The following MGAT4C variants were observed in gnomAD, a reference collection of about 807,000 sequenced individuals.
MGAT4C encodes the protein MGAT4 family member C.
In MGAT4C, 19 loss-of-function variants were observed where a neutral mutation model predicts 40.1. That is an observed-to-expected ratio of 0.47 (90% CI 0.33 to 0.70). The LOEUF is 0.70. Among genes scored for constraint, MGAT4C ranks in the 30% least tolerant of loss-of-function variants. MGAT4C has a pLI of 0.02. For missense variants in MGAT4C, 491 were observed against 563.2 expected (o/e 0.87, Z 1.30); for synonymous variants, 181 against 187.1 (o/e 0.97, Z 0.27).
chr12:86,369,020 A>T (rs1955666471), intron 3 of MGAT4C, among the ~76,000 whole-genome samples: 1 of 151,850 alleles, frequency 6.6e-6, no homozygotes, highest in Admixed American at 6.6e-5. Flanking sequence ...AGACGTCAAT[A>T]TTTGCTTTAT....
chr12:86,382,670 G>C (rs1159124838), intron 3 of MGAT4C, among the ~76,000 whole-genome samples: 1 of 152,214 alleles, frequency 6.6e-6, no homozygotes, highest in Non-Finnish European at 1.5e-5. Flanking sequence ...CGGGCCCAGG[G>C]TCCCCGTGCT....
intron 2 of MGAT4C, among the ~76,000 whole-genome samples, chr12:86,585,463 A>T (rs908830243): frequency 7.7e-4 from 117 of 151,660 alleles, no homozygotes; most frequent in African/African-American, 2.7e-3. Context: ...CTATAAAAAC[A>T]TATTACATTA....
chr12:86,383,384 T>G (rs1019770701), intron 3 of MGAT4C, among the ~76,000 whole-genome samples: 5 of 151,810 alleles, frequency 3.3e-5, no homozygotes, highest in African/African-American at 1.2e-4. Context: ...AAACCCCATC[T>G]CTACTAAAAA....
intron 2 of MGAT4C, among the ~76,000 whole-genome samples, chr12:86,457,367 C>T (rs1957527052): frequency 1.3e-5 from 2 of 151,986 alleles, no homozygotes; most frequent in African/African-American, 4.8e-5. Flanking sequence ...TCCTATTTAC[C>T]TAGTAAAAAA....
At chr12:86,676,058 T>A (rs1964391965) in intron 2 of MGAT4C, among the ~76,000 whole-genome samples, 1 of 151,530 alleles carries the variant, frequency 6.6e-6, no homozygotes, top group Non-Finnish European at 1.5e-5. Flanking sequence ...ACCCATATGA[T>A]AGAGACATAT....
chr12:86,268,830 G>A (rs2136105012), intron 4 of MGAT4C, among the ~76,000 whole-genome samples: 1 of 146,500 alleles, frequency 6.8e-6, no homozygotes, highest in Admixed American at 6.8e-5. Flanking sequence ...AGAAAGTAAA[G>A]TGGCACATTT....
chr12:86,586,024 T>C (rs984426352), intron 2 of MGAT4C, among the ~76,000 whole-genome samples: 2 of 150,660 alleles, frequency 1.3e-5, no homozygotes, highest in Non-Finnish European at 3.0e-5. Context: ...TAGGTATACA[T>C]GTGCCATGCT....
intron 1 of MGAT4C, among the ~76,000 whole-genome samples, chr12:86,160,051 T>C (rs1191700223): frequency 3.9e-5 from 6 of 152,122 alleles, no homozygotes; most frequent in Non-Finnish European, 4.4e-5. Context: ...AGTTCTTTTC[T>C]AATTTTAGTT....
intron 2 of MGAT4C, among the ~76,000 whole-genome samples, chr12:86,573,879 C>T (rs1250643392): frequency 1.3e-5 from 2 of 151,902 alleles, no homozygotes; most frequent in Non-Finnish European, 2.9e-5. Context: ...AAGTTAATCA[C>T]ATTTCATAAG....
intron 1 of MGAT4C, among the ~76,000 whole-genome samples, chr12:86,170,857 G>T (rs548169025): frequency 6.6e-6 from 1 of 152,170 alleles, no homozygotes; most frequent in African/African-American, 2.4e-5. Flanking sequence ...AGAGGCTGAG[G>T]TCGGAGGATT....
chr12:86,315,542 A>T (rs1310433230), intron 4 of MGAT4C, among the ~76,000 whole-genome samples: 2 of 30,294 alleles, frequency 6.6e-5, no homozygotes, highest in Non-Finnish European at 5.4e-5. Context: ...CTCTACTAAA[A>T]ATATAAAAAA....
chr12:86,838,703 G>C (rs2136243974), exon 1 of MGAT4C: 1 of 152,268 alleles, frequency 6.6e-6, no homozygotes, highest in African/African-American at 2.4e-5. Flanking sequence ...TAATCCATTA[G>C]AAAACTGGCA....
intron 2 of MGAT4C, chr12:86,601,197 G>C (rs1361952674): frequency 3.9e-5 from 6 of 152,422 alleles, no homozygotes; most frequent in African/African-American, 1.4e-4. Context: ...AGCGGGAGCA[G>C]ACAGTTTCCT....
chr12:86,434,203 T>C (rs1957096239), intron 3 of MGAT4C, among the ~76,000 whole-genome samples: 1 of 151,986 alleles, frequency 6.6e-6, no homozygotes, highest in Non-Finnish European at 1.5e-5. Flanking sequence ...AAAAAATAAT[T>C]TATCTTCAGA....
intron 3 of MGAT4C, among the ~76,000 whole-genome samples, chr12:86,377,124 G>T (rs1487814247): frequency 6.8e-6 from 1 of 147,346 alleles, no homozygotes; most frequent in Non-Finnish European, 1.5e-5. Context: ...GCAATGGCAC[G>T]ATCTCCGCTC....
At chr12:86,324,021 C>T (rs1172676794) in intron 4 of MGAT4C, among the ~76,000 whole-genome samples, 1 of 151,780 alleles carries the variant, frequency 6.6e-6, no homozygotes, top group African/African-American at 2.4e-5. Context: ...AATGAAACTT[C>T]AATTAGTTTT....
intron 2 of MGAT4C, among the ~76,000 whole-genome samples, chr12:86,526,160 G>A (rs1958878218): frequency 6.6e-6 from 1 of 152,148 alleles, no homozygotes; most frequent in South Asian, 2.1e-4. Context: ...CAGGATGGGG[G>A]AGGGTCTGCT....
At chr12:86,217,005 C>A (rs1366835167) in intron 1 of MGAT4C, among the ~76,000 whole-genome samples, 1 of 151,986 alleles carries the variant, frequency 6.6e-6, no homozygotes, top group Non-Finnish European at 1.5e-5. Flanking sequence ...AGATAAAATT[C>A]CTATGTGAAA....
chr12:86,612,720 A>G (rs1422308713), intron 2 of MGAT4C, among the ~76,000 whole-genome samples: 14 of 149,824 alleles, frequency 9.3e-5, no homozygotes, highest in African/African-American at 3.5e-4. Context: ...AGCCTGGGCA[A>G]CAGAGTGAGA....
Sources: gnomAD v4.1 joint callset for allele counts (sites outside exome capture counted in the v4.1 genomes callset) on GRCh38, gnomAD v4.1.1 for gene constraint, MANE v1.5 for transcripts, NCBI Gene and HGNC (gene_info 2026-07-23, HGNC 2026-07-21) for gene names.